The following ST7 variants were observed in gnomAD, a reference collection of about 807,000 sequenced individuals.
ST7 encodes suppression of tumorigenicity 7.
ST7 carries 28 observed loss-of-function variants against 78.7 expected under a neutral mutation model. That is an observed-to-expected ratio of 0.36 (90% CI 0.26 to 0.49). ST7 has a LOEUF of 0.49. ST7 is among the 20% of genes least tolerant of loss of function. The pLI is 0.99. For missense variants in ST7, 418 were observed against 696.0 expected, an observed-to-expected ratio of 0.60 and a Z score of 4.49; for synonymous variants, 247 against 249.6, an observed-to-expected ratio of 0.99 and a Z score of 0.10.
rs1045439967 is a variant in ST7 at position 117,196,700 on chromosome 7, A to G, written c.1254+5764A>G. Among the ~76,000 whole-genome samples, 26 of 115,438 alleles carry G rather than the reference A, an allele frequency of 2.3e-4. No homozygotes were observed. The East Asian group carries it at 4.5e-3, about 20-fold the overall frequency. 75.7% of individuals were successfully genotyped at this position (115,438 alleles called of 152,430 possible). A position where few individuals can be genotyped will look rare whatever the true frequency, so the allele number is the denominator to read the frequency against. ...TATATGTTTTCAATATTAACCCCTT[A>G]TTAGATATATGATTTGCAGATATTT... On this transcript the variant is annotated intron_variant, in intron 12 of 15. Coordinates refer to ENST00000323984, the MANE Select transcript of ST7 (RefSeq NM_001369598.1).
chr7:117,115,150 C>T (rs1045209020), intron 2 of ST7, among the ~76,000 whole-genome samples: 2 of 152,212 alleles, frequency 1.3e-5, no homozygotes, highest in Admixed American at 6.5e-5. Context: ...CAATTCCATC[C>T]CCACCTCCCT....
intron 2 of ST7, among the ~76,000 whole-genome samples, chr7:117,108,717 C>T (rs973624031): frequency 1.3e-5 from 2 of 152,140 alleles, no homozygotes; most frequent in African/African-American, 4.8e-5. Context: ...TTCTACCCAT[C>T]CATGAGCATG....
At chr7:117,074,356 A>G (rs1417922968) in intron 1 of ST7, among the ~76,000 whole-genome samples, 1 of 152,176 alleles carries the variant, frequency 6.6e-6, no homozygotes, top group Admixed American at 6.5e-5. Flanking sequence ...GTGCCACTGC[A>G]CTCCAACATG....
At chr7:117,031,378 G>GTGTA (rs113924408) in intron 1 of ST7, among the ~76,000 whole-genome samples, 11,626 of 16,060 alleles carry the variant, frequency 0.72, 5,332 homozygotes, top group Non-Finnish European at 0.79. Flanking sequence ...GTATATGTGT[G>GTGTA]TATATATGTG....
At chr7:117,079,439 G>T (rs1015466856) in intron 1 of ST7, among the ~76,000 whole-genome samples, 5 of 152,078 alleles carry the variant, frequency 3.3e-5, no homozygotes, top group Non-Finnish European at 5.9e-5. Context: ...TCATGTTCAT[G>T]TACTATCTTT....
intron 1 of ST7, among the ~76,000 whole-genome samples, chr7:116,965,413 G>A (rs1793058908): frequency 6.6e-6 from 1 of 151,922 alleles, no homozygotes; most frequent in African/African-American, 2.4e-5. Flanking sequence ...TGGAAGGGTG[G>A]GGGGCAAGGG....
chr7:117,163,005 T>C (rs868301566), intron 9 of ST7, among the ~76,000 whole-genome samples: 2 of 152,224 alleles, frequency 1.3e-5, no homozygotes, highest in Non-Finnish European at 2.9e-5. Context: ...TGCTTCTCCA[T>C]AGGAATGAGA....
chr7:117,225,041 A>G (rs900310775), intron 15 of ST7, among the ~76,000 whole-genome samples: 1 of 152,218 alleles, frequency 6.6e-6, no homozygotes, highest in African/African-American at 2.4e-5. Flanking sequence ...ATGCGGATGT[A>G]CAACCAGTGT....
intron 12 of ST7, among the ~76,000 whole-genome samples, chr7:117,197,370 G>C (rs1459177382): frequency 6.6e-6 from 1 of 152,078 alleles, no homozygotes; most frequent in Non-Finnish European, 1.5e-5. Context: ...TGACATGACG[G>C]GTCAACTTCT....
At chr7:116,962,998 G>A (rs1792909898) in intron 1 of ST7, among the ~76,000 whole-genome samples, 1 of 152,152 alleles carries the variant, frequency 6.6e-6, no homozygotes, top group Admixed American at 6.5e-5. Context: ...TAAGTGCTTT[G>A]TAGGCTGTAA....
chr7:117,134,038 C>A (rs1457711708), intron 6 of ST7, 86 bp from the exon 7 acceptor site: 3 of 1,554,266 alleles, frequency 1.9e-6, no homozygotes, highest in Non-Finnish European at 2.6e-6. Flanking sequence ...TCTTTGATTA[C>A]CCTGAACTCC....
At chr7:117,158,053 G>A (rs1806845487) in intron 9 of ST7, among the ~76,000 whole-genome samples, 1 of 152,156 alleles carries the variant, frequency 6.6e-6, no homozygotes, top group Non-Finnish European at 1.5e-5. Context: ...ACTGCAGTTT[G>A]CCATAGAGTT....
intron 9 of ST7, among the ~76,000 whole-genome samples, chr7:117,165,332 C>G: frequency 6.6e-6 from 1 of 152,148 alleles, no homozygotes; most frequent in East Asian, 1.9e-4. Context: ...CTTCTCTAGA[C>G]CATCTATTCC....
chr7:116,993,646 T>A (rs1794523635), intron 1 of ST7, among the ~76,000 whole-genome samples: 1 of 152,262 alleles, frequency 6.6e-6, no homozygotes, highest in African/African-American at 2.4e-5. Flanking sequence ...AACTTCAGTG[T>A]TTGGCATGGG....
At chr7:117,084,682 C>T (rs1052770832) in intron 1 of ST7, among the ~76,000 whole-genome samples, 3 of 152,124 alleles carry the variant, frequency 2.0e-5, no homozygotes, top group Non-Finnish European at 4.4e-5. Flanking sequence ...GCATTTAGCC[C>T]ATTGCTGGTT....
chr7:117,067,754 G>A (rs1342751436), intron 1 of ST7, among the ~76,000 whole-genome samples: 1 of 152,188 alleles, frequency 6.6e-6, no homozygotes, highest in Non-Finnish European at 1.5e-5. Context: ...CCTGACTAAA[G>A]TTTGGTCAAA....
Position 117,126,953 on chromosome 7 carries a change from A to G in ST7, c.395-2840A>G, listed in dbSNP as rs577213644. 1.3e-4 allele frequency among the ~76,000 whole-genome samples: 19 copies of G among 151,990 alleles called. No homozygotes were observed. In the South Asian group the frequency reaches 2.5e-3, roughly 20 times the overall value. On this transcript the variant is annotated intron_variant, in intron 3 of 15. Coordinates refer to ENST00000323984, the MANE Select transcript of ST7 (RefSeq NM_001369598.1). The stretch of plus-strand genomic sequence containing the variant: ...TTCTTGCATGTGTGCTAAGGATGGA[A>G]CATTTCTGTCAGCACTTGTGAGTAG...
chr7:116,963,884 G>T (rs1193634512), intron 1 of ST7, among the ~76,000 whole-genome samples: 1 of 152,064 alleles, frequency 6.6e-6, no homozygotes, highest in Non-Finnish European at 1.5e-5. Flanking sequence ...GCCCGCCTCG[G>T]CCTCCCAAAG....
At chr7:116,953,899 G>T (rs1333476373) in intron 1 of ST7, 1 of 156,334 alleles carries the variant, frequency 6.4e-6, no homozygotes, top group African/African-American at 2.4e-5. Flanking sequence ...GGCCTTCACG[G>T]CCCCGCGGAG....
Sources: allele counts gnomAD v4.1 joint callset (sites outside exome capture counted in the v4.1 genomes callset), GRCh38; gene constraint gnomAD v4.1.1; transcripts MANE v1.5; gene names NCBI Gene and HGNC (gene_info 2026-07-23, HGNC 2026-07-21).